GRID1: variants seen among roughly 807,000 people sequenced by gnomAD.
The protein encoded by GRID1 is glutamate receptor ionotropic, delta-1.
GRID1 carries 28 observed loss-of-function variants against 98.0 expected under a neutral mutation model. The ratio of observed to expected loss-of-function variants is 0.29; its 90% CI spans 0.21 to 0.39. GRID1 has a LOEUF of 0.39. Among genes scored for constraint, GRID1 ranks in the 10% least tolerant of loss-of-function variants. The pLI, the probability that GRID1 is intolerant of heterozygous loss-of-function variation, is 1.00. For missense variants in GRID1, 1,111 were observed against 1,340.5 expected (o/e 0.83, Z 2.67); for synonymous variants, 553 against 538.5 (o/e 1.03, Z -0.37).
At chr10:85,750,340 C>A (rs558170609) in intron 8 of GRID1, among the ~76,000 whole-genome samples, 218 of 152,270 alleles carry the variant, frequency 1.4e-3, no homozygotes, top group African/African-American at 5.0e-3. Context: ...GTCACCTGAT[C>A]ATCAGCTGTG....
chr10:85,788,547 C>A (rs1842450718), intron 8 of GRID1, among the ~76,000 whole-genome samples: 1 of 152,200 alleles, frequency 6.6e-6, no homozygotes, highest in African/African-American at 2.4e-5. Context: ...GAATTTACTC[C>A]ACAGTGACAG....
At chr10:86,231,052 C>T (rs1301885436) in intron 2 of GRID1, among the ~76,000 whole-genome samples, 1 of 152,222 alleles carries the variant, frequency 6.6e-6, no homozygotes, top group East Asian at 1.9e-4. Flanking sequence ...CTAAGCACAA[C>T]TCTGGCTCCA....
chr10:85,664,154 A>G (rs1040487777), intron 12 of GRID1, among the ~76,000 whole-genome samples: 2 of 152,224 alleles, frequency 1.3e-5, no homozygotes, highest in African/African-American at 4.8e-5. Flanking sequence ...TCAGAGGATC[A>G]TAACCTCCTT....
chr10:85,881,343 C>T (rs979121082), intron 5 of GRID1, among the ~76,000 whole-genome samples: 1 of 152,178 alleles, frequency 6.6e-6, no homozygotes, highest in African/African-American at 2.4e-5. Context: ...AGAACAAAGC[C>T]AGAGGCATCA....
chr10:85,752,682 G>A (rs1842059012), intron 8 of GRID1, among the ~76,000 whole-genome samples: 1 of 152,046 alleles, frequency 6.6e-6, no homozygotes, highest in Admixed American at 6.5e-5. Flanking sequence ...TGTAATACCA[G>A]AATATACTGT....
intron 3 of GRID1, among the ~76,000 whole-genome samples, chr10:86,180,492 G>T (rs536664450): frequency 3.9e-5 from 6 of 152,280 alleles, no homozygotes; most frequent in Admixed American, 2.0e-4. Context: ...CAGAGGACAG[G>T]TCCTGAGGTC....
At chr10:85,969,191 G>C (rs1842376141) in intron 4 of GRID1, among the ~76,000 whole-genome samples, 2 of 152,098 alleles carry the variant, frequency 1.3e-5, no homozygotes, top group South Asian at 4.1e-4. Context: ...AACACAGGAG[G>C]CAAAAATTGA....
chr10:86,300,848 G>A (rs1443667241), intron 2 of GRID1, among the ~76,000 whole-genome samples: 1 of 152,118 alleles, frequency 6.6e-6, no homozygotes, highest in Non-Finnish European at 1.5e-5. Context: ...TAGAGTCCAG[G>A]GTGCAGTCCG....
At chr10:86,142,585 G>T (rs1394748248) in intron 3 of GRID1, among the ~76,000 whole-genome samples, 1 of 152,248 alleles carries the variant, frequency 6.6e-6, no homozygotes, top group East Asian at 1.9e-4. Flanking sequence ...GGGACCCTGA[G>T]ACCTGTCATT....
At chr10:85,876,976 G>T (rs547312315) in intron 5 of GRID1, among the ~76,000 whole-genome samples, 1 of 152,212 alleles carries the variant, frequency 6.6e-6, no homozygotes, top group Non-Finnish European at 1.5e-5. Context: ...GGCTCGGAGG[G>T]TCCTACGCCC....
intron 13 of GRID1, among the ~76,000 whole-genome samples, chr10:85,620,454 G>C (rs977515049): frequency 2.6e-5 from 4 of 151,390 alleles, no homozygotes; most frequent in African/African-American, 9.7e-5. Flanking sequence ...AGGAATAGGG[G>C]AGAATAGAAC....
chr10:85,917,830 G>T (rs183666478), intron 4 of GRID1, among the ~76,000 whole-genome samples: 14 of 152,302 alleles, frequency 9.2e-5, no homozygotes, highest in African/African-American at 2.4e-4. Flanking sequence ...TCAGTTAACC[G>T]GGCTCTCTCC....
intron 8 of GRID1, among the ~76,000 whole-genome samples, chr10:85,747,839 T>C (rs1842011791): frequency 6.6e-6 from 1 of 152,230 alleles, no homozygotes; most frequent in Non-Finnish European, 1.5e-5. Context: ...TTCCCATATC[T>C]AATTTTACCT....
intron 8 of GRID1, among the ~76,000 whole-genome samples, chr10:85,826,129 C>T (rs1401411007): frequency 2.0e-5 from 3 of 152,024 alleles, no homozygotes; most frequent in South Asian, 2.1e-4. Flanking sequence ...GTGTTCCAGA[C>T]CAGCCTGACC....
intron 8 of GRID1, among the ~76,000 whole-genome samples, chr10:85,747,451 A>G (rs913209965): frequency 5.9e-5 from 9 of 152,082 alleles, no homozygotes; most frequent in Non-Finnish European, 1.0e-4. Flanking sequence ...TTCCCCTTAC[A>G]TCTTATTTGA....
chr10:86,194,628 T>C (rs1845848074), intron 3 of GRID1, among the ~76,000 whole-genome samples: 1 of 152,132 alleles, frequency 6.6e-6, no homozygotes, highest in South Asian at 2.1e-4. Flanking sequence ...TCATTTTGTG[T>C]ATGACTTATG....
intron 4 of GRID1, among the ~76,000 whole-genome samples, chr10:86,102,302 C>T (rs551797320): frequency 3.9e-5 from 6 of 152,344 alleles, no homozygotes; most frequent in Admixed American, 3.3e-4. Flanking sequence ...AGGGACATAG[C>T]CATTGGGGTG....
At position 85,687,378 on chromosome 10, in the gene GRID1, T is replaced by C. The variant is rs111852139; in HGVS notation, c.1997+35625A>G. ...GAAATGGTTTTCTCCAAACTGAAAA[T>C]ATTAATTACTTGGAGAGAGGGAAAC... On this transcript the variant is annotated intron_variant, in intron 12 of 15. Coordinates refer to ENST00000327946, the MANE Select transcript of GRID1 (RefSeq NM_017551.3). Among the ~76,000 whole-genome samples the C allele has an allele frequency of 5.3e-5, 8 of 152,276 alleles. 1 individual carries two copies. Among genetic ancestry groups the C allele is most frequent in the African/African-American group, 1.7e-4 (7 of 41,560 alleles).
intron 2 of GRID1, among the ~76,000 whole-genome samples, chr10:86,318,593 T>C (rs1177805590): frequency 6.6e-6 from 1 of 152,174 alleles, no homozygotes; most frequent in Non-Finnish European, 1.5e-5. Context: ...AGGCTAGGCC[T>C]GGCATCCTCC....
Sources: gnomAD v4.1 joint callset for allele counts (sites outside exome capture counted in the v4.1 genomes callset) on GRCh38, gnomAD v4.1.1 for gene constraint, MANE v1.5 for transcripts, NCBI Gene and HGNC (gene_info 2026-07-23, HGNC 2026-07-21) for gene names.